WARS2: variants seen among roughly 807,000 people sequenced by gnomAD.
WARS2 encodes the protein tryptophan--tRNA ligase, mitochondrial.
A neutral mutation model predicts 36.5 loss-of-function variants in WARS2; 28 were observed. That is an observed-to-expected ratio of 0.77 (90% confidence interval 0.57 to 1.05). The LOEUF is 1.05. Ranked by LOEUF, WARS2 falls within the 50% of genes least tolerant of loss-of-function variation. The pLI is 0.00. For missense variants in WARS2, 435 were observed against 456.8 expected (o/e 0.95, Z 0.44); for synonymous variants, 174 against 178.4 (o/e 0.98, Z 0.20).
chr1:119,092,688 A>G (rs894169148), intron 1 of WARS2, among the ~76,000 whole-genome samples: 1 of 152,202 alleles, frequency 6.6e-6, no homozygotes, highest in African/African-American at 2.4e-5. Context: ...GATCTTTGGC[A>G]AGTATTTGTG....
intron 1 of WARS2, among the ~76,000 whole-genome samples, chr1:119,114,114 C>T (rs1228043620): frequency 1.3e-5 from 2 of 152,266 alleles, no homozygotes; most frequent in African/African-American, 2.4e-5. Context: ...GTGACTAAGG[C>T]ACAGAAGGGT....
chr1:119,093,615 A>G (rs1571347894), intron 1 of WARS2, among the ~76,000 whole-genome samples: 1 of 152,158 alleles, frequency 6.6e-6, no homozygotes, highest in South Asian at 2.1e-4. Context: ...AAGAGCCACC[A>G]GCGGCTAGGA....
At chr1:119,122,328 C>G (rs1384855697) in intron 1 of WARS2, among the ~76,000 whole-genome samples, 1 of 152,124 alleles carries the variant, frequency 6.6e-6, no homozygotes, top group African/African-American at 2.4e-5. Context: ...AAATGCAAAT[C>G]AAAACCACAA....
At chr1:119,126,430 T>C in intron 1 of WARS2, 1 of 367,054 alleles carries the variant, frequency 2.7e-6, no homozygotes. Context: ...GTTACAAATA[T>C]TAATTGATTG....
intron 1 of WARS2, chr1:119,127,000 T>G (rs757534000): frequency 3.1e-5 from 23 of 742,432 alleles, no homozygotes; most frequent in South Asian, 9.6e-5. Context: ...GCCATGGAAG[T>G]TAGGCAGTTT....
intron 1 of WARS2, among the ~76,000 whole-genome samples, chr1:119,108,012 T>A (rs1654363822): frequency 6.6e-6 from 1 of 152,102 alleles, no homozygotes; most frequent in African/African-American, 2.4e-5. Flanking sequence ...CAGCCTCACA[T>A]ACCTGATATA....
At chr1:119,130,486 C>T (rs1368518890) in intron 1 of WARS2, among the ~76,000 whole-genome samples, 1 of 152,180 alleles carries the variant, frequency 6.6e-6, no homozygotes. Flanking sequence ...GTTTGAAATT[C>T]ATACCCTCTC....
chr1:119,044,412 T>C (rs900305138), intron 3 of WARS2, among the ~76,000 whole-genome samples: 1 of 152,178 alleles, frequency 6.6e-6, no homozygotes, highest in African/African-American at 2.4e-5. Flanking sequence ...TATGGTACAA[T>C]GGGAAAGTAT....
chr1:119,052,930 T>C (rs1263211150), intron 2 of WARS2, among the ~76,000 whole-genome samples: 1 of 152,214 alleles, frequency 6.6e-6, no homozygotes, highest in Non-Finnish European at 1.5e-5. Context: ...AGAGCAAACA[T>C]GCAATGGCTC....
intron 3 of WARS2, among the ~76,000 whole-genome samples, chr1:119,043,624 C>T (rs1246559109): frequency 2.0e-5 from 3 of 152,162 alleles, no homozygotes; most frequent in Non-Finnish European, 2.9e-5. Flanking sequence ...TTACAAAGTT[C>T]ATGATAAAGG....
intron 1 of WARS2, among the ~76,000 whole-genome samples, chr1:119,094,511 T>A (rs35497565): frequency 6.6e-6 from 1 of 152,072 alleles, no homozygotes. Flanking sequence ...CAAGTAAATA[T>A]GTCTTTAAAT....
intron 1 of WARS2, among the ~76,000 whole-genome samples, chr1:119,135,294 T>C (rs1048244798): frequency 6.6e-6 from 1 of 152,148 alleles, no homozygotes; most frequent in Admixed American, 6.5e-5. Flanking sequence ...CAGGAGCCCC[T>C]GGGTTGTGGA....
intron 1 of WARS2, among the ~76,000 whole-genome samples, chr1:119,125,746 T>C (rs1198699945): frequency 6.6e-6 from 1 of 152,220 alleles, no homozygotes. Context: ...TTGAATACTC[T>C]TCTAAACTGA....
intron 3 of WARS2, 21 bp downstream of exon 3, chr1:119,045,560 TA>T: frequency 6.4e-7 from 1 of 1,570,952 alleles, no homozygotes; most frequent in Non-Finnish European, 8.7e-7. Context: ...GTCTGTTTAT[TA>T]ATCAGATTAC....
chr1:119,125,725 C>A (rs1412649459), intron 1 of WARS2, among the ~76,000 whole-genome samples: 1 of 152,170 alleles, frequency 6.6e-6, no homozygotes, highest in Non-Finnish European at 1.5e-5. Flanking sequence ...CTGTTATTAT[C>A]TTTCCACCTC....
chr1:119,134,319 CAAAAAAAAAAAA>C (rs761321480), intron 1 of WARS2, among the ~76,000 whole-genome samples: 3 of 65,872 alleles, frequency 4.6e-5, no homozygotes, highest in Non-Finnish European at 8.1e-5. Context: ...GGCAAAGGGG[CAAAAAAAAAAAA>C]AAAAAAAAAA....
Position 119,084,811 on chromosome 1 carries a change from T to C in WARS2, c.91-8204A>G, listed in dbSNP as rs80193249. On this transcript the variant is annotated intron_variant, in intron 1 of 5. Transcript: ENST00000235521. ...CGTACTCTGGTTCAGGGACAATGAA[T>C]GGTACGAAGAATATCTAGGATATGT... Among the ~76,000 whole-genome samples, 1,181 of 152,322 alleles carry C rather than the reference T, an allele frequency of 7.8e-3. 5 individuals are homozygous for C. Among genetic ancestry groups the C allele is most frequent in the Non-Finnish European group, 0.013 (881 of 68,034 alleles).
At chr1:119,100,100 AAAAC>A (rs1270166007) in intron 1 of WARS2, among the ~76,000 whole-genome samples, 1 of 151,966 alleles carries the variant, frequency 6.6e-6, no homozygotes, top group Non-Finnish European at 1.5e-5. Context: ...GCTCAACAGC[AAAAC>A]AAACAAATGA....
intron 1 of WARS2, chr1:119,085,981 G>A (rs960052008): frequency 1.1e-5 from 17 of 1,606,716 alleles, no homozygotes; most frequent in Non-Finnish European, 3.4e-6. Flanking sequence ...TCAGCGTTCA[G>A]GTATCAGTGC....
Sources: gnomAD v4.1 joint callset for allele counts (sites outside exome capture counted in the v4.1 genomes callset) on GRCh38, gnomAD v4.1.1 for gene constraint, MANE v1.5 for transcripts, NCBI Gene and HGNC (gene_info 2026-07-23, HGNC 2026-07-21) for gene names.